LRRC7: variants seen among roughly 807,000 people sequenced by gnomAD.
LRRC7 encodes leucine rich repeat containing 7.
Under a neutral mutation model 175.7 loss-of-function variants are expected in LRRC7, and 23 were observed. The ratio of observed to expected loss-of-function variants is 0.13; its 90% CI spans 0.09 to 0.19. The LOEUF (loss-of-function observed/expected upper bound fraction) is 0.19. Among genes scored for constraint, LRRC7 ranks in the 10% least tolerant of loss-of-function variants. The pLI is 1.00. For missense variants in LRRC7, 1,354 were observed against 1,904.7 expected (o/e 0.71, Z 5.38); for synonymous variants, 685 against 680.9 (o/e 1.01, Z -0.09).
chr1:69,935,319 G>C (rs565232230), intron 8 of LRRC7, among the ~76,000 whole-genome samples: 67 of 152,252 alleles, frequency 4.4e-4, no homozygotes, highest in Non-Finnish European at 7.4e-4. Flanking sequence ...GGTAGTGCTT[G>C]AATAGATTTA....
At chr1:69,984,301 C>T (rs12030588) in intron 9 of LRRC7, among the ~76,000 whole-genome samples, 9,554 of 152,184 alleles carry the variant, frequency 0.063, 296 homozygotes, top group South Asian at 0.11. Context: ...GTAGCAAAAA[C>T]ATAAAATATT....
At chr1:69,752,098 T>C (rs1669905856) in intron 2 of LRRC7, among the ~76,000 whole-genome samples, 1 of 152,128 alleles carries the variant, frequency 6.6e-6, no homozygotes, top group African/African-American at 2.4e-5. Context: ...AAATATCAAA[T>C]AAGCCTCAGA....
chr1:69,710,096 T>C (rs536407727), intron 2 of LRRC7, among the ~76,000 whole-genome samples: 1 of 151,618 alleles, frequency 6.6e-6, no homozygotes, highest in East Asian at 2.0e-4. Context: ...GCTAACACAG[T>C]GAAACCCCAT....
rs1443068776 is a variant in LRRC7, at chr1:70,016,542, G to A, written c.1320+8G>A. 5.8e-6 allele frequency: 9 copies of A among 1,546,066 alleles called. No individual in the cohort carries two copies. In the South Asian group the frequency reaches 1.0e-4, roughly 17 times the overall value. ...TGGCTTTCTGACAATCAGGTAAAAG[G>A]TTTTATTGCCTGATTTATTTATTAA... On this transcript the variant is annotated splice_region_variant and intron_variant, in intron 14 of 26. Transcript: ENST00000651989.
intron 1 of LRRC7, among the ~76,000 whole-genome samples, chr1:69,652,651 T>C (rs762421775): frequency 9.9e-5 from 15 of 152,052 alleles, no homozygotes; most frequent in Admixed American, 2.0e-4. Context: ...AAAACTCCCC[T>C]ATCTCCCATG....
chr1:70,095,264 T>A lies in LRRC7; in HGVS notation c.4545+5445T>A, dbSNP rs540759506. The stretch of plus-strand genomic sequence containing the variant: ...GGAAGACGCTGAAACAGTTTTTATT[T>A]TATATATAAAATGATTTTTAAAAAT... On this transcript the variant is annotated intron_variant, in intron 25 of 26. Coordinates refer to ENST00000651989, the MANE Select transcript of LRRC7 (RefSeq NM_001370785.2). 2.0e-5 allele frequency among the ~76,000 whole-genome samples: 3 copies of A among 152,264 alleles called. No individual in the cohort carries two copies. The East Asian group carries it at 5.8e-4, about 29-fold the overall frequency.
At chr1:69,978,302 G>A (rs562349080) in intron 8 of LRRC7, among the ~76,000 whole-genome samples, 1 of 150,416 alleles carries the variant, frequency 6.6e-6, no homozygotes, top group African/African-American at 2.4e-5. Flanking sequence ...GAGGAGGGGA[G>A]GGAAGAGGAG....
At chr1:70,084,792 T>C (rs566620813) in intron 24 of LRRC7, among the ~76,000 whole-genome samples, 2 of 152,196 alleles carry the variant, frequency 1.3e-5, no homozygotes, top group Non-Finnish European at 2.9e-5. Context: ...GGTTCCACTT[T>C]TTCCACATCC....
chr1:70,102,390 A>G (rs560751819), intron 25 of LRRC7, among the ~76,000 whole-genome samples: 82 of 152,280 alleles, frequency 5.4e-4, no homozygotes, highest in African/African-American at 1.9e-3. Context: ...GATGGCAAAT[A>G]TTGTCCTTTC....
chr1:69,724,603 C>T (rs1055509426), intron 2 of LRRC7, among the ~76,000 whole-genome samples: 1 of 152,006 alleles, frequency 6.6e-6, no homozygotes, highest in Non-Finnish European at 1.5e-5. Context: ...ATACAAAAAA[C>T]TGACAAATGT....
At chr1:69,843,623 CTGT>C (rs1430440625) in intron 7 of LRRC7, among the ~76,000 whole-genome samples, 16 of 152,174 alleles carry the variant, frequency 1.1e-4, no homozygotes, top group African/African-American at 3.9e-4. Context: ...TTCAGAAACT[CTGT>C]AGTACCACCT....
chr1:70,090,510 T>A (rs2102169613), intron 25 of LRRC7, among the ~76,000 whole-genome samples: 1 of 152,122 alleles, frequency 6.6e-6, no homozygotes, highest in East Asian at 1.9e-4. Context: ...ACCACCTGAT[T>A]TTTTATTTTT....
chr1:70,110,822 G>A (rs1003154770), intron 26 of LRRC7, among the ~76,000 whole-genome samples: 1 of 152,138 alleles, frequency 6.6e-6, no homozygotes, highest in East Asian at 1.9e-4. Context: ...AAAGAAACGA[G>A]AATGGCTAAT....
At chr1:70,001,906 A>G (rs1199308639) in intron 11 of LRRC7, among the ~76,000 whole-genome samples, 1 of 152,184 alleles carries the variant, frequency 6.6e-6, no homozygotes, top group Admixed American at 6.6e-5. Context: ...GCATTATTTG[A>G]TATGTATTAT....
chr1:69,808,898 A>C (rs765213472), intron 4 of LRRC7, among the ~76,000 whole-genome samples: 21 of 151,864 alleles, frequency 1.4e-4, no homozygotes, highest in Non-Finnish European at 1.6e-4. Flanking sequence ...CAACAAAAGC[A>C]AACAAATTCA....
intron 1 of LRRC7, among the ~76,000 whole-genome samples, chr1:69,646,358 G>T (rs1655010480): frequency 6.6e-6 from 1 of 151,870 alleles, no homozygotes; most frequent in Non-Finnish European, 1.5e-5. Flanking sequence ...TTGGAATAAG[G>T]CAATAAAATA....
At chr1:69,684,206 C>T (rs945413842) in intron 2 of LRRC7, among the ~76,000 whole-genome samples, 2 of 152,182 alleles carry the variant, frequency 1.3e-5, no homozygotes, top group African/African-American at 4.8e-5. Context: ...AGAACTCCCT[C>T]TTATTCACTA....
intron 2 of LRRC7, among the ~76,000 whole-genome samples, chr1:69,706,517 C>A (rs950339213): frequency 2.0e-5 from 3 of 152,132 alleles, no homozygotes; most frequent in African/African-American, 4.8e-5. Flanking sequence ...CAATCAACAA[C>A]CTGCAAGTCA....
chr1:69,752,408 G>A (rs762363506), intron 2 of LRRC7, among the ~76,000 whole-genome samples: 1 of 152,084 alleles, frequency 6.6e-6, no homozygotes, highest in Middle Eastern at 3.2e-3. Context: ...CTCTTTCCAG[G>A]TATGGAATAT....
Sources: allele counts gnomAD v4.1 joint callset (sites outside exome capture counted in the v4.1 genomes callset), GRCh38; gene constraint gnomAD v4.1.1; transcripts MANE v1.5; gene names NCBI Gene and HGNC (gene_info 2026-07-23, HGNC 2026-07-21).